ROBO1: variants seen among roughly 807,000 people sequenced by gnomAD.
The protein encoded by ROBO1 is roundabout guidance receptor 1, also known as roundabout homolog 1.
ROBO1 carries 149 observed loss-of-function variants against 195.9 expected under a neutral mutation model. The observed-to-expected ratio is 0.76, with a 90% confidence interval of 0.67 to 0.87. ROBO1 has a LOEUF of 0.87. Among genes scored for constraint, ROBO1 ranks in the 40% least tolerant of loss-of-function variants. The probability of loss-of-function intolerance (pLI) is 0.00; values close to 1 mark genes in which losing one functional copy is unlikely to be tolerated. For synonymous variants in ROBO1, 816 were observed against 733.2 expected, an observed-to-expected ratio of 1.11 and a Z score of -1.82; for missense variants, 1,933 against 2,068.3, an observed-to-expected ratio of 0.93 and a Z score of 1.27.
intron 4 of ROBO1, among the ~76,000 whole-genome samples, chr3:78,782,315 G>C (rs2083702106): frequency 6.6e-6 from 1 of 151,788 alleles, no homozygotes; most frequent in Non-Finnish European, 1.5e-5. Context: ...TCTTGACTCA[G>C]CCTCCCAAGT....
intron 2 of ROBO1, among the ~76,000 whole-genome samples, chr3:79,574,016 T>C (rs1432644347): frequency 1.3e-5 from 2 of 152,128 alleles, no homozygotes; most frequent in African/African-American, 2.4e-5. Flanking sequence ...AGAGGATCAC[T>C]TGTTTCCATT....
chr3:79,727,107 G>A (rs1258932847), intron 1 of ROBO1, among the ~76,000 whole-genome samples: 2 of 152,174 alleles, frequency 1.3e-5, no homozygotes, highest in East Asian at 3.8e-4. Context: ...TGCTCAGGAG[G>A]AGCTAAACCA....
At chr3:79,357,007 G>C (rs1269602021) in intron 2 of ROBO1, among the ~76,000 whole-genome samples, 3 of 152,056 alleles carry the variant, frequency 2.0e-5, no homozygotes, top group Non-Finnish European at 4.4e-5. Context: ...ATATGAGTTG[G>C]GAAATTCAGG....
chr3:79,336,107 A>G (rs2034654265), intron 2 of ROBO1, among the ~76,000 whole-genome samples: 1 of 152,208 alleles, frequency 6.6e-6, no homozygotes, highest in African/African-American at 2.4e-5. Context: ...GCAGAGCATA[A>G]CAGGTCAACA....
Position 78,872,892 on chromosome 3 carries a change from T to C in ROBO1, c.499+65709A>G, listed in dbSNP as rs541110255. Among the ~76,000 whole-genome samples, 7 of 152,292 alleles carry C rather than the reference T, an allele frequency of 4.6e-5. No homozygotes were observed. The South Asian group carries it at 1.2e-3, about 27-fold the overall frequency. ...CTTAAGTGAAGAAATACTTATAATA[T>C]GAAGTAGTAAGGGTGTTTCAAAAGA... On this transcript the variant is annotated intron_variant, in intron 4 of 30. Transcript: ENST00000464233.
intron 1 of ROBO1, among the ~76,000 whole-genome samples, chr3:79,697,022 G>A (rs762241218): frequency 1.6e-4 from 24 of 151,318 alleles, no homozygotes; most frequent in Admixed American, 9.3e-4. Context: ...TGACAGAGAC[G>A]TGCTACAAGT....
chr3:78,656,549 C>T (rs969111519), intron 18 of ROBO1, among the ~76,000 whole-genome samples: 19 of 151,956 alleles, frequency 1.3e-4, no homozygotes, highest in Admixed American at 6.6e-5. Flanking sequence ...GACGGGGTTT[C>T]ACCATGTTAG....
chr3:79,019,070 A>T, intron 3 of ROBO1: 1 of 989,678 alleles, frequency 1.0e-6, no homozygotes, highest in Non-Finnish European at 1.2e-6. Flanking sequence ...GTGCGGCGAC[A>T]GCGGCTGCCT....
At chr3:79,292,022 A>G (rs1040312866) in intron 2 of ROBO1, among the ~76,000 whole-genome samples, 1 of 152,178 alleles carries the variant, frequency 6.6e-6, no homozygotes, top group Non-Finnish European at 1.5e-5. Context: ...TTGAAACATA[A>G]GAAAATAGTT....
chr3:78,861,788 A>G (rs1559935739), intron 4 of ROBO1, among the ~76,000 whole-genome samples: 1 of 152,178 alleles, frequency 6.6e-6, no homozygotes, highest in Non-Finnish European at 1.5e-5. Context: ...GAAATCCCTT[A>G]TATCTAGAAA....
chr3:79,471,713 A>T (rs2107322197), intron 2 of ROBO1, among the ~76,000 whole-genome samples: 1 of 152,262 alleles, frequency 6.6e-6, no homozygotes. Context: ...ACACTGGATA[A>T]AGAAAATGTA....
chr3:79,748,154 A>G (rs1703955465), intron 1 of ROBO1, among the ~76,000 whole-genome samples: 1 of 152,146 alleles, frequency 6.6e-6, no homozygotes, highest in African/African-American at 2.4e-5. Flanking sequence ...TTCAAATAAC[A>G]AATAGTAGAA....
intron 2 of ROBO1, among the ~76,000 whole-genome samples, chr3:79,367,958 T>C (rs1177511332): frequency 6.6e-6 from 1 of 152,178 alleles, no homozygotes; most frequent in Non-Finnish European, 1.5e-5. Context: ...TTGTTTTGTT[T>C]TGAGGCAGAG....
At chr3:79,384,182 T>C (rs2036660719) in intron 2 of ROBO1, among the ~76,000 whole-genome samples, 1 of 152,018 alleles carries the variant, frequency 6.6e-6, no homozygotes, top group Admixed American at 6.6e-5. Context: ...TCTTATACTT[T>C]TATTATTTTG....
chr3:78,741,643 C>T (rs1344009801), intron 5 of ROBO1, among the ~76,000 whole-genome samples: 1 of 151,972 alleles, frequency 6.6e-6, no homozygotes, highest in African/African-American at 2.4e-5. Flanking sequence ...AAAAATCGCT[C>T]TTTGTGAGGT....
intron 2 of ROBO1, among the ~76,000 whole-genome samples, chr3:79,464,550 G>A (rs78123674): frequency 0.049 from 7,382 of 152,122 alleles, 489 homozygotes; most frequent in African/African-American, 0.15. Flanking sequence ...CAGCCATTGT[G>A]TATCTTCTTT....
intron 2 of ROBO1, among the ~76,000 whole-genome samples, chr3:79,523,461 C>CT (rs11357931): frequency 1.7e-3 from 230 of 134,778 alleles, no homozygotes; most frequent in Non-Finnish European, 3.0e-3. Context: ...ATTTTTCTTT[C>CT]TTTTTTTTTT....
At chr3:79,261,456 G>T (rs926994173) in intron 2 of ROBO1, among the ~76,000 whole-genome samples, 1 of 151,630 alleles carries the variant, frequency 6.6e-6, no homozygotes, top group African/African-American at 2.4e-5. Flanking sequence ...TTTTTAAGTT[G>T]TATATATTAT....
rs947026957 is a variant in ROBO1 at position 79,745,244 on chromosome 3, A to G, written c.-51+22508T>C. Among the ~76,000 whole-genome samples, 5 of 152,318 alleles carry G rather than the reference A, an allele frequency of 3.3e-5. 1 individual carries two copies. In the East Asian group the frequency reaches 9.6e-4, roughly 29 times the overall value. ...TGAGACCATATTCTTCAACAGCAGC[A>G]TTGGTATGTATGAGATGTAACATCT... On this transcript the variant is annotated intron_variant, in intron 1 of 30. Coordinates refer to ENST00000464233, the MANE Select transcript of ROBO1 (RefSeq NM_002941.4).
Sources: allele counts gnomAD v4.1 joint callset (sites outside exome capture counted in the v4.1 genomes callset), GRCh38; gene constraint gnomAD v4.1.1; transcripts MANE v1.5; gene names NCBI Gene and HGNC (gene_info 2026-07-23, HGNC 2026-07-21).